The following SND1 variants were observed in gnomAD, a reference collection of about 807,000 sequenced individuals.
The protein encoded by SND1 is staphylococcal nuclease and tudor domain containing 1.
A neutral mutation model predicts 121.7 loss-of-function variants in SND1; 38 were observed. That is an observed-to-expected ratio of 0.31 (90% CI 0.24 to 0.41). SND1 has a LOEUF of 0.41. SND1 is among the 10% of genes least tolerant of loss of function. SND1 has a pLI of 1.00. For synonymous variants in SND1, 401 were observed against 447.4 expected (o/e 0.90, Z 1.31); for missense variants, 868 against 1,184.6 (o/e 0.73, Z 3.92).
intron 1 of SND1, among the ~76,000 whole-genome samples, chr7:127,658,184 G>C (rs1329782771): frequency 6.6e-6 from 1 of 152,054 alleles, no homozygotes; most frequent in African/African-American, 2.4e-5. Context: ...GCATGGTGGC[G>C]CGCGCCTGTA....
chr7:127,656,568 G>A (rs184677701), intron 1 of SND1, among the ~76,000 whole-genome samples: 7 of 152,110 alleles, frequency 4.6e-5, no homozygotes, highest in Admixed American at 2.0e-4. Context: ...GCCCACCTCG[G>A]CCTCCCAAAG....
chr7:127,904,993 T>C (rs1800308712), intron 14 of SND1, among the ~76,000 whole-genome samples, 174 bp downstream of exon 14: 1 of 152,222 alleles, frequency 6.6e-6, no homozygotes, highest in African/African-American at 2.4e-5. Flanking sequence ...GAGCCTGTTT[T>C]ATTATCTGGA....
chr7:127,932,701 C>T (rs1800978941), intron 15 of SND1, among the ~76,000 whole-genome samples: 1 of 151,940 alleles, frequency 6.6e-6, no homozygotes, highest in South Asian at 2.1e-4. Context: ...CCTCCATCAG[C>T]AACCACCACC....
intron 21 of SND1, 129 bp from the exon 22 acceptor site, chr7:128,089,360 A>G: frequency 1.1e-6 from 1 of 900,644 alleles, no homozygotes; most frequent in Non-Finnish European, 1.7e-6. Context: ...GGCCAACCTC[A>G]CTAGGGTTCT....
rs1584763288 is a variant in SND1 at position 128,052,725 on chromosome 7, G to A, written c.1780-21777G>A. Among the ~76,000 whole-genome samples the A allele has an allele frequency of 1.3e-5, 2 of 152,240 alleles. No homozygotes were observed. Among genetic ancestry groups the A allele is most frequent in the East Asian group, 1.9e-4 (1 of 5,194 alleles). On this transcript the variant is annotated intron_variant, in intron 16 of 23. Coordinates refer to ENST00000354725, the MANE Select transcript of SND1 (RefSeq NM_014390.4). The surrounding 1 kb of genome is among the most constrained non-coding windows in gnomAD (Gnocchi z 4.6). ...CATCTCCTTGTCCAAAGCCTGGCCCGATGGGCTGTGTCTGGAATGCCAGTC... is the reference window on the plus strand; with the variant it reads ...CATCTCCTTGTCCAAAGCCTGGCCCAATGGGCTGTGTCTGGAATGCCAGTC...
chr7:127,996,764 G>A (rs910855553), intron 16 of SND1, among the ~76,000 whole-genome samples: 4 of 152,164 alleles, frequency 2.6e-5, no homozygotes, highest in African/African-American at 9.7e-5. Flanking sequence ...CCTTATTCTA[G>A]ATTATCTCAG....
intron 21 of SND1, among the ~76,000 whole-genome samples, chr7:128,088,544 C>A (rs1469902896): frequency 6.6e-6 from 1 of 150,876 alleles, no homozygotes; most frequent in Non-Finnish European, 1.5e-5. Flanking sequence ...CCTCTCCCTC[C>A]CAGGTTGAAG....
intron 14 of SND1, among the ~76,000 whole-genome samples, chr7:127,915,662 A>G (rs1272717521): frequency 6.6e-6 from 1 of 152,256 alleles, no homozygotes; most frequent in Non-Finnish European, 1.5e-5. Flanking sequence ...ATGGGAGTAC[A>G]GAGTCCTGGG....
intron 6 of SND1, 130 bp downstream of exon 6, chr7:127,702,656 G>A (rs1292823227): frequency 1.4e-6 from 1 of 710,942 alleles, no homozygotes; most frequent in Non-Finnish European, 2.5e-6. Context: ...CTTTATACTT[G>A]TTTTAGTTTA....
At chr7:127,807,066 A>G (rs1334636388) in intron 10 of SND1, among the ~76,000 whole-genome samples, 1 of 152,220 alleles carries the variant, frequency 6.6e-6, no homozygotes, top group Non-Finnish European at 1.5e-5. Context: ...TTATATATGT[A>G]TTTACAGAAT....
intron 10 of SND1, among the ~76,000 whole-genome samples, chr7:127,727,801 G>A (rs577424570): frequency 2.4e-4 from 37 of 152,286 alleles, no homozygotes; most frequent in Admixed American, 6.5e-4. Flanking sequence ...GCATTTTTGA[G>A]AAGAACACTT....
chr7:127,707,766 AGTGTGTGTGTGTGT>A (rs35627839), intron 9 of SND1, 119 bp downstream of exon 9: 361 of 408,886 alleles, frequency 8.8e-4, no homozygotes, highest in African/African-American at 1.7e-3. Context: ...AGCCAGTAGG[AGTGTGTGTGTGTGT>A]GTGTGTGTGT....
chr7:127,997,880 C>T (rs1290083984), intron 16 of SND1: 2 of 534,700 alleles, frequency 3.7e-6, no homozygotes, highest in African/African-American at 1.9e-5. Flanking sequence ...CTGGAAGGTG[C>T]ACCACCTTTT....
At chr7:127,910,310 C>T (rs1443422552) in intron 14 of SND1, among the ~76,000 whole-genome samples, 1 of 151,690 alleles carries the variant, frequency 6.6e-6, no homozygotes, top group Non-Finnish European at 1.5e-5. Context: ...CAGGCGTGGT[C>T]GCGGGCACCT....
intron 10 of SND1, among the ~76,000 whole-genome samples, chr7:127,796,013 A>G (rs560751233): frequency 2.6e-5 from 4 of 151,966 alleles, no homozygotes; most frequent in South Asian, 2.1e-4. Flanking sequence ...GCCCATCACC[A>G]CTACCAGCTA....
chr7:127,817,173 T>C (rs1798459662), intron 11 of SND1, among the ~76,000 whole-genome samples: 1 of 152,218 alleles, frequency 6.6e-6, no homozygotes, highest in Non-Finnish European at 1.5e-5. Flanking sequence ...ATCTGTTGTA[T>C]AAGAAGTTGA....
chr7:127,920,985 T>A (rs1800694849), intron 14 of SND1, among the ~76,000 whole-genome samples: 1 of 152,204 alleles, frequency 6.6e-6, no homozygotes, highest in Admixed American at 6.5e-5. Context: ...TGAATGGTTC[T>A]CACAGCATAA....
At chr7:128,031,603 G>C (rs949004792) in intron 16 of SND1, 5 of 149,588 alleles carry the variant, frequency 3.3e-5, no homozygotes, top group East Asian at 3.9e-4. Context: ...GCGGCGCTCC[G>C]TCCGGCCCCC....
chr7:127,887,600 A>G (rs933327945), intron 12 of SND1, among the ~76,000 whole-genome samples: 2 of 150,498 alleles, frequency 1.3e-5, no homozygotes, highest in Admixed American at 6.6e-5. Context: ...TGTTTATAAC[A>G]TTCTGTAAAT....
Sources: allele counts gnomAD v4.1 joint callset (sites outside exome capture counted in the v4.1 genomes callset), GRCh38; gene constraint gnomAD v4.1.1; non-coding constraint Gnocchi (gnomAD v3.1); transcripts MANE v1.5; gene names NCBI Gene and HGNC (gene_info 2026-07-23, HGNC 2026-07-21).